The following PTPRK variants were observed in gnomAD, a reference collection of about 807,000 sequenced individuals.
PTPRK encodes the protein protein tyrosine phosphatase receptor type K.
In PTPRK, 75 loss-of-function variants were observed where a neutral mutation model predicts 178.0. That is an observed-to-expected ratio of 0.42 (90% CI 0.35 to 0.51). PTPRK has a LOEUF of 0.51. Among genes scored for constraint, PTPRK ranks in the 20% least tolerant of loss-of-function variants. The probability of loss-of-function intolerance (pLI) is 0.02; values close to 1 mark genes in which losing one functional copy is unlikely to be tolerated. For synonymous variants in PTPRK, 637 were observed against 620.6 expected (o/e 1.03, Z -0.39); for missense variants, 1,441 against 1,797.8 (o/e 0.80, Z 3.59).
Position 127,998,705 on chromosome 6 carries a change from T to A in PTPRK, c.2679+15A>T. The A allele has an allele frequency of 6.5e-7, 1 of 1,543,876 alleles. No individual in the cohort carries two copies. The highest frequency in any genetic ancestry group is 1.2e-5 in the South Asian group (1 of 82,082). ...GTTAAAAATCAAATTCAATACAGTA[T>A]CAAAACTTATTCACCTCATATTCCT... On this transcript the variant is annotated intron_variant, in intron 16 of 29. Transcript: ENST00000368226.
chr6:128,381,383 A>G (rs954914776), intron 2 of PTPRK, among the ~76,000 whole-genome samples: 2 of 152,208 alleles, frequency 1.3e-5, no homozygotes, highest in African/African-American at 4.8e-5. Flanking sequence ...AACTGTACTC[A>G]GTGAGCAATT....
At chr6:128,452,860 A>G (rs1052962059) in intron 1 of PTPRK, among the ~76,000 whole-genome samples, 3 of 152,116 alleles carry the variant, frequency 2.0e-5, no homozygotes, top group African/African-American at 4.8e-5. Context: ...CTACTCTCCA[A>G]CCTCTCTTAA....
intron 1 of PTPRK, chr6:128,409,239 T>C: frequency 4.6e-6 from 2 of 431,058 alleles, no homozygotes; most frequent in Non-Finnish European, 9.2e-6. Flanking sequence ...TAAACTTATC[T>C]AAAACATGGC....
intron 1 of PTPRK, among the ~76,000 whole-genome samples, chr6:128,435,039 AGGAAG>A (rs1845343160): frequency 1.0e-5 from 1 of 96,240 alleles, no homozygotes; most frequent in African/African-American, 6.6e-5. Flanking sequence ...ACAGGAAGGC[AGGAAG>A]GCAGGAAGGA....
At chr6:128,214,185 G>A (rs1443354581) in intron 6 of PTPRK, among the ~76,000 whole-genome samples, 1 of 152,126 alleles carries the variant, frequency 6.6e-6, no homozygotes, top group Admixed American at 6.6e-5. Flanking sequence ...AATCTGAAAA[G>A]TTCTAATAGG....
intron 6 of PTPRK, among the ~76,000 whole-genome samples, chr6:128,197,275 C>T (rs566231745): frequency 2.7e-5 from 4 of 149,374 alleles, no homozygotes; most frequent in South Asian, 4.2e-4. Context: ...ACATGTGCCA[C>T]GGTGGTTTGC....
At chr6:128,168,838 T>C (rs989009996) in intron 7 of PTPRK, among the ~76,000 whole-genome samples, 4 of 152,056 alleles carry the variant, frequency 2.6e-5, no homozygotes, top group Non-Finnish European at 5.9e-5. Flanking sequence ...GAAAACAAGC[T>C]AAATGCCCAT....
chr6:128,010,906 G>A (rs1184004907), intron 13 of PTPRK, among the ~76,000 whole-genome samples: 1 of 151,022 alleles, frequency 6.6e-6, no homozygotes, highest in East Asian at 1.9e-4. Context: ...CGGCTGTAGG[G>A]AATTTCTAAC....
At chr6:128,156,823 A>C (rs908748873) in intron 7 of PTPRK, among the ~76,000 whole-genome samples, 4 of 151,980 alleles carry the variant, frequency 2.6e-5, no homozygotes, top group African/African-American at 9.7e-5. Context: ...ATGTGTCTGT[A>C]TGTATATATA....
chr6:128,426,891 T>C (rs1844210010), intron 1 of PTPRK, among the ~76,000 whole-genome samples: 1 of 152,212 alleles, frequency 6.6e-6, no homozygotes, highest in African/African-American at 2.4e-5. Flanking sequence ...ACTTAAGATT[T>C]CAGGGCCTTG....
chr6:128,345,073 G>C (rs1285404708), intron 2 of PTPRK, among the ~76,000 whole-genome samples: 1 of 149,286 alleles, frequency 6.7e-6, no homozygotes, highest in Non-Finnish European at 1.5e-5. Context: ...ACAAAAATCA[G>C]AGTAACTACT....
chr6:128,133,159 T>C (rs1794511120), intron 7 of PTPRK, among the ~76,000 whole-genome samples: 1 of 152,192 alleles, frequency 6.6e-6, no homozygotes, highest in South Asian at 2.1e-4. Context: ...AAATTTGACA[T>C]TTAATTTATA....
At chr6:128,373,016 T>C (rs1432186775) in intron 2 of PTPRK, among the ~76,000 whole-genome samples, 1 of 151,090 alleles carries the variant, frequency 6.6e-6, no homozygotes, top group Non-Finnish European at 1.5e-5. Context: ...AATGGTGACC[T>C]AGGACTGGAA....
intron 1 of PTPRK, among the ~76,000 whole-genome samples, chr6:128,471,647 A>T (rs1191359861): frequency 6.6e-6 from 1 of 150,484 alleles, no homozygotes; most frequent in African/African-American, 2.4e-5. Context: ...AAGCAGGTCA[A>T]TTAATAAGGA....
chr6:127,980,744 C>G (rs1328286811), intron 25 of PTPRK, among the ~76,000 whole-genome samples: 1 of 152,094 alleles, frequency 6.6e-6, no homozygotes, highest in Non-Finnish European at 1.5e-5. Flanking sequence ...CCCAAATTAA[C>G]ATGATTTTTG....
intron 11 of PTPRK, among the ~76,000 whole-genome samples, chr6:128,074,834 C>G (rs1386606454): frequency 1.3e-5 from 2 of 151,978 alleles, no homozygotes; most frequent in Non-Finnish European, 2.9e-5. Flanking sequence ...GTGGTCATTA[C>G]TTCTTATGTA....
chr6:128,398,574 A>ATAATT (rs1257092787), intron 1 of PTPRK, among the ~76,000 whole-genome samples: 3 of 152,220 alleles, frequency 2.0e-5, no homozygotes, highest in Admixed American at 2.0e-4. Context: ...AGAAGGTGAA[A>ATAATT]TAATTTAAGT....
At chr6:128,441,741 G>A (rs1033970117) in intron 1 of PTPRK, among the ~76,000 whole-genome samples, 1 of 152,190 alleles carries the variant, frequency 6.6e-6, no homozygotes, top group African/African-American at 2.4e-5. Context: ...AGTAATTTAA[G>A]ACGATATATA....
chr6:128,059,741 A>G (rs1023222590), intron 13 of PTPRK, among the ~76,000 whole-genome samples: 1 of 152,148 alleles, frequency 6.6e-6, no homozygotes, highest in Non-Finnish European at 1.5e-5. Context: ...TCTTCTCATA[A>G]AACAGTTTAA....
Sources: gnomAD v4.1 joint callset for allele counts (sites outside exome capture counted in the v4.1 genomes callset) on GRCh38, gnomAD v4.1.1 for gene constraint, MANE v1.5 for transcripts, NCBI Gene and HGNC (gene_info 2026-07-23, HGNC 2026-07-21) for gene names.